Variants in BCAS3 observed in about 807,000 individuals in gnomAD.
BCAS3 encodes BCAS4/BCAS3 fusion.
In BCAS3, 53 loss-of-function variants were observed where a neutral mutation model predicts 116.1. That is an observed-to-expected ratio of 0.46 (90% CI 0.37 to 0.57). BCAS3 has a LOEUF of 0.57. Among genes scored for constraint, BCAS3 ranks in the 20% least tolerant of loss-of-function variants. BCAS3 has a pLI of 0.00. For synonymous variants in BCAS3, 391 were observed against 408.2 expected (o/e 0.96, Z 0.51); for missense variants, 917 against 1,165.4 (o/e 0.79, Z 3.10).
chr17:60,935,146 T>C (rs1344814522), intron 13 of BCAS3, among the ~76,000 whole-genome samples: 1 of 152,156 alleles, frequency 6.6e-6, no homozygotes, highest in Non-Finnish European at 1.5e-5. Flanking sequence ...AGAAGGTTTA[T>C]GTATGGACTT....
chr17:60,704,139 A>C (rs2036806834), intron 4 of BCAS3, among the ~76,000 whole-genome samples: 1 of 152,174 alleles, frequency 6.6e-6, no homozygotes, highest in African/African-American at 2.4e-5. Flanking sequence ...GCCGACCAAG[A>C]GGCAGCAGGG....
chr17:60,845,496 A>C (rs2052431892), intron 7 of BCAS3, among the ~76,000 whole-genome samples: 1 of 152,234 alleles, frequency 6.6e-6, no homozygotes. Flanking sequence ...AACAGTGGCC[A>C]CTGCTCATTA....
chr17:61,322,810 G>GAGAGAGAGAGAGAGAC, intron 22 of BCAS3, among the ~76,000 whole-genome samples: 3 of 131,686 alleles, frequency 2.3e-5, no homozygotes, highest in Non-Finnish European at 3.3e-5. Flanking sequence ...GAGAGAGAGA[G>GAGAGAGAGAGAGAGAC]AGAGAGAGAG....
intron 22 of BCAS3, among the ~76,000 whole-genome samples, chr17:61,255,456 A>G (rs901888024): frequency 5.9e-5 from 9 of 152,210 alleles, no homozygotes; most frequent in African/African-American, 1.9e-4. Flanking sequence ...TCTTGAGAGT[A>G]TCTCAGGAAA....
At chr17:60,785,703 G>A (rs1316493790) in intron 6 of BCAS3, among the ~76,000 whole-genome samples, 2 of 152,170 alleles carry the variant, frequency 1.3e-5, no homozygotes, top group African/African-American at 4.8e-5. Flanking sequence ...AAGATACAGA[G>A]CAATGTGTAC....
intron 22 of BCAS3, among the ~76,000 whole-genome samples, chr17:61,336,281 C>T (rs1169871512): frequency 1.3e-5 from 2 of 152,266 alleles, no homozygotes; most frequent in Non-Finnish European, 2.9e-5. Flanking sequence ...TCATTGCATA[C>T]ATTACCCTGC....
intron 19 of BCAS3, among the ~76,000 whole-genome samples, chr17:61,046,114 G>GTAAAA (rs2143136211): frequency 1.7e-5 from 1 of 59,414 alleles, no homozygotes; most frequent in East Asian, 4.4e-4. Flanking sequence ...TATATATAAA[G>GTAAAA]TAAAATAAAA....
intron 22 of BCAS3, among the ~76,000 whole-genome samples, chr17:61,350,603 G>A (rs2057778242): frequency 1.3e-5 from 2 of 150,900 alleles, no homozygotes; most frequent in Non-Finnish European, 1.5e-5. Context: ...AAGAAACTGT[G>A]GTGTATGTAC....
intron 22 of BCAS3, among the ~76,000 whole-genome samples, chr17:61,257,450 A>G (rs374412114): frequency 1.8e-4 from 27 of 151,368 alleles, no homozygotes; most frequent in African/African-American, 6.3e-4. Flanking sequence ...AAAAGGCAGA[A>G]TTCTGGCATT....
intron 4 of BCAS3, among the ~76,000 whole-genome samples, chr17:60,700,325 A>G (rs2036227878): frequency 6.6e-6 from 1 of 152,176 alleles, no homozygotes; most frequent in African/African-American, 2.4e-5. Flanking sequence ...AGGAAGACAC[A>G]GGGACTTGGG....
rs2060002660 is a variant in BCAS3, at chr17:61,389,117, G to A, written c.2594-2860G>A. On this transcript the variant is annotated intron_variant, in intron 23 of 23. Coordinates refer to ENST00000407086, the MANE Select transcript of BCAS3 (RefSeq NM_017679.5). ...GATGAGACACATGGGACGATGAGGGGGCCTGGGCTAGGAGTCAGCACAGCG... is the reference window on the plus strand; with the variant it reads ...GATGAGACACATGGGACGATGAGGGAGCCTGGGCTAGGAGTCAGCACAGCG... 5 of 193,528 alleles carry A rather than the reference G, an allele frequency of 2.6e-5. No individual in the cohort carries two copies. The South Asian group carries it at 5.3e-4, about 20-fold the overall frequency. 12.0% of individuals were successfully genotyped at this position (193,528 alleles called of 1,614,324 possible).
chr17:61,327,742 T>C lies in BCAS3; in HGVS notation c.2426-40585T>C, dbSNP rs1438151791. Among the ~76,000 whole-genome samples, 7 of 152,172 alleles carry C rather than the reference T, an allele frequency of 4.6e-5. No individual in the cohort carries two copies. Among genetic ancestry groups the C allele is most frequent in the Admixed American group, 3.9e-4 (6 of 15,276 alleles). ...CCAGGCAGGTCTCGAACTTCTGGCCTCAAGTGGTCCAGCTGCCTCAGCCTC... is the reference window on the plus strand; with the variant it reads ...CCAGGCAGGTCTCGAACTTCTGGCCCCAAGTGGTCCAGCTGCCTCAGCCTC... On this transcript the variant is annotated intron_variant, in intron 22 of 23. Transcript: ENST00000407086. The surrounding 1 kb of genome is among the most constrained non-coding windows in gnomAD (Gnocchi z 5.9).
rs1491165778 is a variant in BCAS3, at chr17:61,309,169, CAG to C, written c.2426-59157_2426-59156del. ...CTTTTTTCAGCCTTGGGTTTAGTGACAGGGAAAAAAGAACGTTAGCTCATGTG... is the reference window on the plus strand; with the variant it reads ...CTTTTTTCAGCCTTGGGTTTAGTGACGGAAAAAAGAACGTTAGCTCATGTG... On this transcript the variant is annotated intron_variant, in intron 22 of 23. Transcript: ENST00000407086. The surrounding 1 kb of genome is among the most constrained non-coding windows in gnomAD (Gnocchi z 4.6). Among the ~76,000 whole-genome samples, 1 of 152,030 alleles carries C rather than the reference CAG, an allele frequency of 6.6e-6. No individual in the cohort carries two copies. Among genetic ancestry groups the C allele is most frequent in the Non-Finnish European group, 1.5e-5 (1 of 68,006 alleles).
At chr17:60,873,867 CT>C (rs11378229) in intron 8 of BCAS3, among the ~76,000 whole-genome samples, 4 of 151,150 alleles carry the variant, frequency 2.6e-5, no homozygotes, top group African/African-American at 7.3e-5. Flanking sequence ...CTTCTCCATT[CT>C]TTTTTTTTCA....
intron 22 of BCAS3, among the ~76,000 whole-genome samples, chr17:61,264,091 G>A: frequency 6.6e-6 from 1 of 152,044 alleles, no homozygotes; most frequent in East Asian, 1.9e-4. Flanking sequence ...GGGTTAACAA[G>A]TGATCCTCAG....
rs2047553168 is a variant in BCAS3, at chr17:61,241,886, GT to G, written c.2426-126435del. 6.6e-6 allele frequency among the ~76,000 whole-genome samples: 1 copy of G among 152,060 alleles called. No individual in the cohort carries two copies. Among genetic ancestry groups the G allele is most frequent in the African/African-American group, 2.4e-5 (1 of 41,420 alleles). ...GCTTTCATAATAGTATAATATTCAGGTTTTTTCTTGTTTGTTTGTTGTTTAC... is the reference window on the plus strand; with the variant it reads ...GCTTTCATAATAGTATAATATTCAGGTTTTTCTTGTTTGTTTGTTGTTTAC... On this transcript the variant is annotated intron_variant, in intron 22 of 23. Transcript: ENST00000407086. The surrounding 1 kb of genome is among the most constrained non-coding windows in gnomAD (Gnocchi z 4.6).
intron 22 of BCAS3, among the ~76,000 whole-genome samples, chr17:61,305,201 T>C (rs1230305006): frequency 6.6e-6 from 1 of 152,164 alleles, no homozygotes; most frequent in Non-Finnish European, 1.5e-5. Flanking sequence ...AAGCAACATC[T>C]CTTGGGGTTG....
rs2077068599 is a variant in BCAS3, at chr17:61,144,094, A to C, written c.2425+59530A>C. Among the ~76,000 whole-genome samples the C allele has an allele frequency of 6.6e-6, 1 of 152,338 alleles. No individual in the cohort carries two copies. The highest frequency in any genetic ancestry group is 2.4e-5 in the African/African-American group (1 of 41,580). On this transcript the variant is annotated intron_variant, in intron 22 of 23. Coordinates refer to ENST00000407086, the MANE Select transcript of BCAS3 (RefSeq NM_017679.5). The surrounding 1 kb of genome is among the most constrained non-coding windows in gnomAD (Gnocchi z 5.0). ...TAAGTTATAAGTTTTTGTTCATTTC[A>C]TAGGAGGACAGTTGACTCCTTTCTA...
intron 7 of BCAS3, among the ~76,000 whole-genome samples, chr17:60,830,068 C>T (rs1365180933): frequency 6.6e-6 from 1 of 152,018 alleles, no homozygotes; most frequent in African/African-American, 2.4e-5. Flanking sequence ...CTTAGCTCAC[C>T]GCAACCTCTG....
Sources: gnomAD v4.1 joint callset for allele counts (sites outside exome capture counted in the v4.1 genomes callset) on GRCh38, gnomAD v4.1.1 for gene constraint, Gnocchi (gnomAD v3.1) non-coding constraint, MANE v1.5 for transcripts, NCBI Gene and HGNC (gene_info 2026-07-23, HGNC 2026-07-21) for gene names.